The following GABBR2 variants were observed in gnomAD, a reference collection of about 807,000 sequenced individuals.
The protein encoded by GABBR2 is gamma-aminobutyric acid type B receptor subunit 2, also known as G-protein coupled receptor 51.
A neutral mutation model predicts 105.6 loss-of-function variants in GABBR2; 23 were observed. The observed-to-expected ratio is 0.22, with a 90% CI of 0.16 to 0.31. The LOEUF (loss-of-function observed/expected upper bound fraction) is 0.31, where lower values mean the gene tolerates loss of function less well. Among genes scored for constraint, GABBR2 ranks in the 10% least tolerant of loss-of-function variants. The pLI is 1.00. For synonymous variants in GABBR2, 478 were observed against 499.7 expected (o/e 0.96, Z 0.58); for missense variants, 734 against 1,245.5 (o/e 0.59, Z 6.18).
intron 7 of GABBR2, among the ~76,000 whole-genome samples, chr9:98,436,084 A>G (rs954604174): frequency 4.0e-5 from 6 of 151,086 alleles, no homozygotes; most frequent in Non-Finnish European, 8.8e-5. Flanking sequence ...AGGTGGTTGT[A>G]AATGTCTGTA....
chr9:98,311,804 G>T (rs1176906120), intron 13 of GABBR2, among the ~76,000 whole-genome samples: 1 of 152,188 alleles, frequency 6.6e-6, no homozygotes, highest in Non-Finnish European at 1.5e-5. Context: ...CCAATCCAGA[G>T]GCTTGTCAGA....
intron 3 of GABBR2, among the ~76,000 whole-genome samples, chr9:98,510,841 T>C: frequency 6.6e-6 from 1 of 152,262 alleles, no homozygotes; most frequent in Middle Eastern, 3.4e-3. Flanking sequence ...AACACCCCAC[T>C]GTCAACATTA....
In GABBR2 at chr9:98,360,930, C is replaced by T. The variant is rs188098919; in HGVS notation, c.1893+1785G>A. On this transcript the variant is annotated intron_variant, in intron 13 of 18. Coordinates refer to ENST00000259455, the MANE Select transcript of GABBR2 (RefSeq NM_005458.8). ...CCCTAGCCCACTGTTGGGCTCCACACTGAGCCACTGTGCCTCGTTCTGTCC... is the reference window on the plus strand; with the variant it reads ...CCCTAGCCCACTGTTGGGCTCCACATTGAGCCACTGTGCCTCGTTCTGTCC... Among the ~76,000 whole-genome samples, 92 of 152,324 alleles carry T rather than the reference C, an allele frequency of 6.0e-4. 1 individual carries two copies. The highest frequency in any genetic ancestry group is 1.2e-3 in the Non-Finnish European group (82 of 68,034).
intron 1 of GABBR2, among the ~76,000 whole-genome samples, chr9:98,654,297 C>T (rs1287957438): frequency 6.6e-6 from 1 of 152,240 alleles, no homozygotes; most frequent in Admixed American, 6.5e-5. Context: ...ACCTGGTACA[C>T]AGCCTTGTCA....
chr9:98,390,440 G>T (rs1832160612), intron 9 of GABBR2, among the ~76,000 whole-genome samples: 1 of 145,654 alleles, frequency 6.9e-6, no homozygotes. Context: ...AAAAGAGTTT[G>T]AACCATGTAA....
At chr9:98,396,288 A>C (rs528042580) in intron 8 of GABBR2, among the ~76,000 whole-genome samples, 1 of 152,320 alleles carries the variant, frequency 6.6e-6, no homozygotes, top group East Asian at 1.9e-4. Flanking sequence ...GGCCAGCAAA[A>C]TGCCTGGAGT....
chr9:98,687,980 C>A (rs770157493), intron 1 of GABBR2, among the ~76,000 whole-genome samples: 3 of 152,196 alleles, frequency 2.0e-5, no homozygotes, highest in Non-Finnish European at 4.4e-5. Context: ...CCAAAGGACA[C>A]CCCTTCTCAG....
At chr9:98,339,299 A>G (rs1184789030) in intron 13 of GABBR2, among the ~76,000 whole-genome samples, 1 of 151,404 alleles carries the variant, frequency 6.6e-6, no homozygotes, top group African/African-American at 2.4e-5. Context: ...AAAAAAAAAA[A>G]AAAGAAACAA....
intron 3 of GABBR2, among the ~76,000 whole-genome samples, chr9:98,513,331 A>G (rs1460267833): frequency 6.6e-6 from 1 of 152,238 alleles, no homozygotes; most frequent in African/African-American, 2.4e-5. Flanking sequence ...AATAAGATTC[A>G]GGACATAGGC....
chr9:98,696,376 G>T (rs1830751159), intron 1 of GABBR2, among the ~76,000 whole-genome samples: 2 of 152,172 alleles, frequency 1.3e-5, no homozygotes, highest in African/African-American at 4.8e-5. Context: ...GACTCCAGAG[G>T]GCTTGCAAAG....
At chr9:98,451,712 G>A (rs7034618) in intron 7 of GABBR2, among the ~76,000 whole-genome samples, 2,064 of 152,296 alleles carry the variant, frequency 0.014, 50 homozygotes, top group African/African-American at 0.047. Context: ...GGAATGGTTG[G>A]TCTGGAAGAT....
At position 98,473,187 on chromosome 9, in the gene GABBR2, C is replaced by G. The variant is rs1201096644; in HGVS notation, c.958G>C (p.Glu320Gln). 6.2e-7 allele frequency: 1 copy of G among 1,613,812 alleles called. No homozygotes were observed. Among genetic ancestry groups the G allele is most frequent in the Admixed American group, 1.7e-5 (1 of 59,988 alleles). Residue 320 changes from glutamate to glutamine, a missense_variant, in exon 6 of 19, where the codon GAG (glutamate) becomes CAG (glutamine). Transcript: ENST00000259455. ...TTGATCTGCTTGGAGCTCAGGGGCTCGAAATCCACGCCAATGTAGCCCTCC... is the reference window on the plus strand; with the variant it reads ...TTGATCTGCTTGGAGCTCAGGGGCTGGAAATCCACGCCAATGTAGCCCTCC... ...AMEGYIGVDF[E>Q]PLSSKQIKTI...
chr9:98,470,094 A>T (rs1322521201), intron 6 of GABBR2, among the ~76,000 whole-genome samples: 1 of 152,220 alleles, frequency 6.6e-6, no homozygotes, highest in Non-Finnish European at 1.5e-5. Context: ...GAGAATGTTC[A>T]ACAAAGGCAA....
intron 1 of GABBR2, among the ~76,000 whole-genome samples, chr9:98,613,044 A>G (rs1461572039): frequency 1.3e-5 from 2 of 152,214 alleles, no homozygotes; most frequent in Admixed American, 1.3e-4. Flanking sequence ...ATGGCAGGAC[A>G]AGGTGGAAAA....
At chr9:98,571,986 A>G (rs1170985709) in intron 2 of GABBR2, among the ~76,000 whole-genome samples, 1 of 152,212 alleles carries the variant, frequency 6.6e-6, no homozygotes, top group Non-Finnish European at 1.5e-5. Context: ...TCCAGGCTGA[A>G]CACCCTCAGC....
chr9:98,316,174 A>G (rs1826121636), intron 13 of GABBR2, among the ~76,000 whole-genome samples: 1 of 151,010 alleles, frequency 6.6e-6, no homozygotes, highest in African/African-American at 2.4e-5. Flanking sequence ...TTTTCGAGAC[A>G]GAGTTTCACT....
chr9:98,579,317 C>T (rs1163609863), intron 1 of GABBR2, among the ~76,000 whole-genome samples: 5 of 152,302 alleles, frequency 3.3e-5, no homozygotes, highest in Non-Finnish European at 2.9e-5. Context: ...AAACAGTTCA[C>T]GGCGACCCAG....
rs190308030 is a variant in GABBR2 at position 98,644,312 on chromosome 9, G to A, written c.321+64105C>T. Among the ~76,000 whole-genome samples the A allele has an allele frequency of 6.6e-5, 10 of 152,344 alleles. No individual in the cohort carries two copies. In the East Asian group the frequency reaches 1.7e-3, roughly 26 times the overall value. ...AATTACACACATTGTGGGCAGCAAA[G>A]AGCAGAAAGGATAAGACAGTGGGAA... On this transcript the variant is annotated intron_variant, in intron 1 of 18. Coordinates refer to ENST00000259455, the MANE Select transcript of GABBR2 (RefSeq NM_005458.8).
At chr9:98,634,639 T>C (rs1829854940) in intron 1 of GABBR2, among the ~76,000 whole-genome samples, 1 of 152,296 alleles carries the variant, frequency 6.6e-6, no homozygotes, top group South Asian at 2.1e-4. Context: ...CACCTTAATT[T>C]TGGACTTCTA....
Sources: gnomAD v4.1 joint callset for allele counts (sites outside exome capture counted in the v4.1 genomes callset) on GRCh38, gnomAD v4.1.1 for gene constraint, MANE v1.5 for transcripts, NCBI Gene and HGNC (gene_info 2026-07-23, HGNC 2026-07-21) for gene names.